PDE3A: variants seen among roughly 807,000 people sequenced by gnomAD.
PDE3A encodes the protein phosphodiesterase 3A, also known as cGMP-inhibited 3',5'-cyclic phosphodiesterase 3A.
PDE3A carries 43 observed loss-of-function variants against 98.3 expected under a neutral mutation model. The ratio of observed to expected loss-of-function variants is 0.44; its 90% confidence interval spans 0.34 to 0.56. The LOEUF (loss-of-function observed/expected upper bound fraction) is 0.56, where lower values mean the gene tolerates loss of function less well. Ranked by LOEUF, PDE3A falls within the 20% of genes least tolerant of loss-of-function variation. PDE3A has a pLI of 0.01. For missense variants in PDE3A, 1,427 were observed against 1,440.7 expected, an observed-to-expected ratio of 0.99 and a Z score of 0.15; for synonymous variants, 663 against 567.9, an observed-to-expected ratio of 1.17 and a Z score of -2.38.
intron 1 of PDE3A, among the ~76,000 whole-genome samples, chr12:20,489,338 G>C (rs1205157124): frequency 6.6e-6 from 1 of 152,218 alleles, no homozygotes; most frequent in Non-Finnish European, 1.5e-5. Context: ...GTTATAGCCA[G>C]TAAGCCTGTC....
At chr12:20,378,206 A>G (rs1943605038) in intron 1 of PDE3A, among the ~76,000 whole-genome samples, 1 of 151,620 alleles carries the variant, frequency 6.6e-6, no homozygotes, top group African/African-American at 2.4e-5. Context: ...TTTTGGAGCC[A>G]TTTTCTGAGT....
chr12:20,657,170 T>C (rs1254873008), intron 15 of PDE3A, among the ~76,000 whole-genome samples: 1 of 152,216 alleles, frequency 6.6e-6, no homozygotes, highest in African/African-American at 2.4e-5. Flanking sequence ...TACCAAATAT[T>C]GGCCACATAG....
At chr12:20,646,983 T>C (rs777490065) in intron 12 of PDE3A, 33 bp downstream of exon 12, 17 of 1,475,210 alleles carry the variant, frequency 1.2e-5, no homozygotes, top group Non-Finnish European at 1.5e-5. Context: ...GGAGAACTAA[T>C]TTAAAGATTT....
intron 1 of PDE3A, among the ~76,000 whole-genome samples, chr12:20,386,184 AAT>A (rs1193219967): frequency 3.2e-4 from 30 of 94,506 alleles, no homozygotes; most frequent in African/African-American, 7.9e-4. Flanking sequence ...AATATATATA[AAT>A]ATATATAAAT....
At chr12:20,627,967 C>G (rs1402569780) in intron 5 of PDE3A, among the ~76,000 whole-genome samples, 1 of 152,096 alleles carries the variant, frequency 6.6e-6, no homozygotes, top group Non-Finnish European at 1.5e-5. Context: ...CTAGACCAAC[C>G]CTTTTTAACC....
chr12:20,448,101 AG>A, intron 1 of PDE3A, among the ~76,000 whole-genome samples: 2 of 152,272 alleles, frequency 1.3e-5, no homozygotes, highest in East Asian at 3.9e-4. Context: ...CACAGCGAGG[AG>A]CCCATTAACC....
rs543254451 is a variant in PDE3A at position 20,668,137 on chromosome 12, C to T, written c.3185-11893C>T. ...CTCCCACCTGAATACTGCGCTTTTCCGACGGGCTTAAAAAACGGCGCACCA... is the reference window on the plus strand; with the variant it reads ...CTCCCACCTGAATACTGCGCTTTTCTGACGGGCTTAAAAAACGGCGCACCA... On this transcript the variant is annotated intron_variant, in intron 15 of 15. Coordinates refer to ENST00000359062, the MANE Select transcript of PDE3A (RefSeq NM_000921.5). Among the ~76,000 whole-genome samples the T allele has an allele frequency of 3.1e-3, 469 of 152,272 alleles. 2 individuals carry two copies. Among genetic ancestry groups the T allele is most frequent in the African/African-American group, 0.01 (423 of 41,544 alleles).
At chr12:20,386,875 A>C (rs1011436039) in intron 1 of PDE3A, among the ~76,000 whole-genome samples, 1 of 152,090 alleles carries the variant, frequency 6.6e-6, no homozygotes, top group Non-Finnish European at 1.5e-5. Context: ...GATATTGTCC[A>C]GATTGTCTTC....
intron 15 of PDE3A, among the ~76,000 whole-genome samples, chr12:20,655,627 A>C (rs1234847764): frequency 6.6e-6 from 1 of 152,194 alleles, no homozygotes; most frequent in East Asian, 1.9e-4. Flanking sequence ...AGCAACAACA[A>C]ATAAGTCAGC....
intron 1 of PDE3A, among the ~76,000 whole-genome samples, chr12:20,484,257 T>TA (rs1158802615): frequency 1.3e-5 from 2 of 152,224 alleles, no homozygotes; most frequent in Non-Finnish European, 2.9e-5. Flanking sequence ...TTGGGATTTT[T>TA]ATCTCTTAAA....
chr12:20,634,806 A>G (rs1382288008), intron 7 of PDE3A, 96 bp from the exon 8 acceptor site: 6 of 804,340 alleles, frequency 7.5e-6, no homozygotes, highest in South Asian at 1.4e-5. Flanking sequence ...TTCCCTAAAC[A>G]CTATATTTAC....
At chr12:20,377,047 C>A (rs568023158) in intron 1 of PDE3A, among the ~76,000 whole-genome samples, 119 of 151,686 alleles carry the variant, frequency 7.8e-4, no homozygotes, top group Middle Eastern at 3.4e-3. Flanking sequence ...ACAGGGGGCA[C>A]ATATTGTTTG....
intron 1 of PDE3A, among the ~76,000 whole-genome samples, chr12:20,427,693 A>G (rs1016430091): frequency 1.3e-5 from 2 of 152,154 alleles, no homozygotes; most frequent in African/African-American, 4.8e-5. Context: ...TACATTTAAT[A>G]CATTAATACA....
intron 1 of PDE3A, among the ~76,000 whole-genome samples, chr12:20,373,013 A>G (rs969517044): frequency 6.6e-6 from 1 of 152,092 alleles, no homozygotes; most frequent in Non-Finnish European, 1.5e-5. Context: ...AGAGAAACCA[A>G]TTGACAGATA....
chr12:20,382,662 A>G (rs539863384), intron 1 of PDE3A, among the ~76,000 whole-genome samples: 4 of 152,104 alleles, frequency 2.6e-5, no homozygotes, highest in Admixed American at 2.6e-4. Flanking sequence ...AGCTTGTAAT[A>G]TATACCAGTT....
At chr12:20,618,893 C>T (rs1291426378) in intron 4 of PDE3A, among the ~76,000 whole-genome samples, 2 of 151,990 alleles carry the variant, frequency 1.3e-5, no homozygotes, top group Non-Finnish European at 2.9e-5. Context: ...AGAATGGAGT[C>T]ATTACGGGGA....
At chr12:20,607,282 T>C (rs1236431556) in intron 2 of PDE3A, among the ~76,000 whole-genome samples, 1 of 150,906 alleles carries the variant, frequency 6.6e-6, no homozygotes, top group Non-Finnish European at 1.5e-5. Context: ...GTACCAAAAA[T>C]ACAAAAAAAT....
At chr12:20,553,514 G>A (rs973615247) in intron 1 of PDE3A, among the ~76,000 whole-genome samples, 1 of 134,082 alleles carries the variant, frequency 7.5e-6, no homozygotes, top group African/African-American at 2.9e-5. Flanking sequence ...CCGTGGCATG[G>A]CGTGGCTCAG....
chr12:20,529,146 ATAGGTCAATTACTACATG>A (rs1946578333), intron 1 of PDE3A, among the ~76,000 whole-genome samples: 1 of 152,204 alleles, frequency 6.6e-6, no homozygotes, highest in African/African-American at 2.4e-5. Context: ...CAGAAGAATC[ATAGGTCAATTACTACATG>A]TATAATTGTT....
Sources: allele counts gnomAD v4.1 joint callset (sites outside exome capture counted in the v4.1 genomes callset), GRCh38; gene constraint gnomAD v4.1.1; transcripts MANE v1.5; gene names NCBI Gene and HGNC (gene_info 2026-07-23, HGNC 2026-07-21).